ADAMTSL3: variants seen among roughly 807,000 people sequenced by gnomAD.
ADAMTSL3 encodes the protein ADAMTS-like protein 3.
A neutral mutation model predicts 201.7 loss-of-function variants in ADAMTSL3; 128 were observed. That is an observed-to-expected ratio of 0.63 (90% CI 0.55 to 0.73). The LOEUF (loss-of-function observed/expected upper bound fraction) is 0.73. ADAMTSL3 is among the 30% of genes least tolerant of loss of function. ADAMTSL3 has a pLI of 0.00. For synonymous variants in ADAMTSL3, 738 were observed against 748.4 expected (o/e 0.99, Z 0.23); for missense variants, 1,990 against 2,119.6 (o/e 0.94, Z 1.20).
At chr15:83,785,444 G>T (rs1464372353) in intron 4 of ADAMTSL3, among the ~76,000 whole-genome samples, 1 of 152,130 alleles carries the variant, frequency 6.6e-6, no homozygotes, top group Non-Finnish European at 1.5e-5. Flanking sequence ...TTCCCATAAA[G>T]CTTGGTGTAC....
chr15:83,947,376 C>G (rs985885763), intron 19 of ADAMTSL3, among the ~76,000 whole-genome samples: 5 of 152,256 alleles, frequency 3.3e-5, no homozygotes, highest in African/African-American at 9.6e-5. Flanking sequence ...TGTTTAAGCT[C>G]TGTCCATTCA....
At chr15:83,794,274 C>G (rs2063389418) in intron 4 of ADAMTSL3, among the ~76,000 whole-genome samples, 1 of 152,174 alleles carries the variant, frequency 6.6e-6, no homozygotes, top group Admixed American at 6.6e-5. Context: ...AAACATGCAA[C>G]TACCATACAA....
intron 6 of ADAMTSL3, among the ~76,000 whole-genome samples, chr15:83,822,500 TCCTCACCTCCCAGACGGGGTTGC>T (rs2063902661): frequency 7.3e-6 from 1 of 136,600 alleles, no homozygotes; most frequent in African/African-American, 3.1e-5. Context: ...GCAGAGACGC[TCCTCACCTCCCAGACGGGGTTGC>T]GGCCGGGTAG....
chr15:83,877,968 G>T (rs2141846778), intron 9 of ADAMTSL3, among the ~76,000 whole-genome samples: 1 of 152,086 alleles, frequency 6.6e-6, no homozygotes, highest in African/African-American at 2.4e-5. Context: ...AATTCTTTTG[G>T]ATTGTATACG....
In ADAMTSL3 at chr15:83,942,886, C is replaced by CG; in HGVS notation, c.2311-17_2311-16insG. 6.2e-7 allele frequency: 1 copy of CG among 1,609,124 alleles called. No homozygotes were observed. The highest frequency in any genetic ancestry group is 1.3e-5 in the African/African-American group (1 of 74,986). The stretch of plus-strand genomic sequence containing the variant: ...AGTGGGCCAAGCCTGCCGCCTCACC[C>CG]CCTCTTGTCTTCTTAGTGTTCCAGG... On this transcript the variant is annotated splice_polypyrimidine_tract_variant and intron_variant, in intron 18 of 29. Coordinates refer to ENST00000286744, the MANE Select transcript of ADAMTSL3 (RefSeq NM_207517.3).
intron 9 of ADAMTSL3, among the ~76,000 whole-genome samples, chr15:83,880,294 C>A (rs1401040033): frequency 6.6e-6 from 1 of 152,068 alleles, no homozygotes; most frequent in Non-Finnish European, 1.5e-5. Flanking sequence ...TTTCCACTTT[C>A]TTTTTATCTG....
At chr15:83,884,813 G>A (rs1231820391) in intron 9 of ADAMTSL3, among the ~76,000 whole-genome samples, 2 of 152,132 alleles carry the variant, frequency 1.3e-5, no homozygotes, top group East Asian at 1.9e-4. Context: ...AGTGTGAAAC[G>A]AACAAACAAA....
chr15:83,763,506 CT>C (rs1294346370), intron 3 of ADAMTSL3, among the ~76,000 whole-genome samples: 326 of 131,872 alleles, frequency 2.5e-3, no homozygotes, highest in East Asian at 4.7e-3. Flanking sequence ...ACAAATAATT[CT>C]TTTTTTTTTT....
chr15:83,821,816 C>T (rs1479213463), intron 6 of ADAMTSL3, among the ~76,000 whole-genome samples: 1 of 151,428 alleles, frequency 6.6e-6, no homozygotes, highest in Non-Finnish European at 1.5e-5. Flanking sequence ...CCAGTAGGGG[C>T]GGCCGGGCAG....
intron 2 of ADAMTSL3, among the ~76,000 whole-genome samples, chr15:83,681,828 C>G (rs2061479782): frequency 6.6e-6 from 1 of 152,146 alleles, no homozygotes; most frequent in South Asian, 2.1e-4. Flanking sequence ...CAGCTGCTAA[C>G]CCTCCATATC....
intron 4 of ADAMTSL3, among the ~76,000 whole-genome samples, chr15:83,785,411 CCTTTT>C (rs2063245088): frequency 1.3e-5 from 2 of 152,300 alleles, no homozygotes; most frequent in East Asian, 3.9e-4. Context: ...ACAACCTTTT[CCTTTT>C]AAGACTTGGT....
At chr15:83,758,770 G>T (rs1265919607) in intron 3 of ADAMTSL3, among the ~76,000 whole-genome samples, 2 of 151,510 alleles carry the variant, frequency 1.3e-5, no homozygotes, top group Non-Finnish European at 2.9e-5. Flanking sequence ...TTTTTTTGTT[G>T]CTGAATTGTA....
chr15:83,964,896 C>G (rs1170891718), intron 19 of ADAMTSL3, among the ~76,000 whole-genome samples: 5 of 152,148 alleles, frequency 3.3e-5, no homozygotes, highest in East Asian at 1.9e-4. Flanking sequence ...GAATTTTCAA[C>G]CCAGAATTTC....
chr15:83,708,716 A>G (rs1353739388), intron 3 of ADAMTSL3, among the ~76,000 whole-genome samples: 1 of 152,220 alleles, frequency 6.6e-6, no homozygotes, highest in East Asian at 1.9e-4. Flanking sequence ...CCACTCTAAA[A>G]TAGTCTGAAA....
intron 7 of ADAMTSL3, among the ~76,000 whole-genome samples, chr15:83,850,400 A>G (rs889016228): frequency 2.0e-5 from 3 of 151,616 alleles, no homozygotes; most frequent in South Asian, 2.1e-4. Context: ...AAAAATGTCT[A>G]TGTATATACA....
chr15:83,929,313 G>A (rs754947040), intron 17 of ADAMTSL3, among the ~76,000 whole-genome samples: 6 of 152,138 alleles, frequency 3.9e-5, no homozygotes, highest in Non-Finnish European at 5.9e-5. Flanking sequence ...TGTCCGCGGC[G>A]TTGATTCTTT....
chr15:83,767,565 G>A (rs1276054493), intron 3 of ADAMTSL3, among the ~76,000 whole-genome samples: 6 of 152,338 alleles, frequency 3.9e-5, no homozygotes, highest in Admixed American at 3.9e-4. Context: ...GCTGATATCA[G>A]TCAGCTGTAT....
At position 83,701,095 on chromosome 15, in the gene ADAMTSL3, G is replaced by A. The variant is rs1290650598; in HGVS notation, c.70-3294G>A. Among the ~76,000 whole-genome samples, 3 of 152,172 alleles carry A rather than the reference G, an allele frequency of 2.0e-5. No individual in the cohort carries two copies. The East Asian group carries it at 5.8e-4, about 29-fold the overall frequency. ...ACTCCCTGCTTCTCCTGTTTGCAGA[G>A]AGCAATTTTCTTAGAGTAACACCTG... On this transcript the variant is annotated intron_variant, in intron 2 of 29. Coordinates refer to ENST00000286744, the MANE Select transcript of ADAMTSL3 (RefSeq NM_207517.3).
chr15:83,731,346 C>A (rs144456226), intron 3 of ADAMTSL3, among the ~76,000 whole-genome samples: 1 of 151,974 alleles, frequency 6.6e-6, no homozygotes, highest in Admixed American at 6.6e-5. Flanking sequence ...CAAATAAAAA[C>A]CACAATGACA....
Sources: gnomAD v4.1 joint callset for allele counts (sites outside exome capture counted in the v4.1 genomes callset) on GRCh38, gnomAD v4.1.1 for gene constraint, MANE v1.5 for transcripts, NCBI Gene and HGNC (gene_info 2026-07-23, HGNC 2026-07-21) for gene names.